HMGCLL1: variants seen among roughly 807,000 people sequenced by gnomAD.
HMGCLL1 encodes 3-hydroxymethyl-3-methylglutaryl-CoA lyase, cytoplasmic.
Under a neutral mutation model 39.1 loss-of-function variants are expected in HMGCLL1, and 36 were observed. The ratio of observed to expected loss-of-function variants is 0.92; its 90% CI spans 0.71 to 1.22. The LOEUF is 1.22. Ranked by LOEUF, HMGCLL1 falls within the 50% of genes most tolerant of loss-of-function variation. The probability of loss-of-function intolerance (pLI) is 0.00; values close to 1 mark genes in which losing one functional copy is unlikely to be tolerated. For synonymous variants in HMGCLL1, 149 were observed against 144.0 expected (o/e 1.03, Z -0.25); for missense variants, 451 against 416.5 (o/e 1.08, Z -0.72).
intron 1 of HMGCLL1, among the ~76,000 whole-genome samples, chr6:55,551,516 A>G (rs1441944138): frequency 6.6e-6 from 1 of 151,932 alleles, no homozygotes; most frequent in Non-Finnish European, 1.5e-5. Flanking sequence ...CTGAAATAGT[A>G]AAAAAAGAAA....
chr6:55,520,246 T>TAATAAATA (rs34163936), intron 3 of HMGCLL1, among the ~76,000 whole-genome samples: 2,550 of 143,914 alleles, frequency 0.018, 38 homozygotes, highest in African/African-American at 0.033. Context: ...TAAAGTATAA[T>TAATAAATA]AATAAATAAA....
At chr6:55,619,623 G>A in the HMGCLL1 span, among the ~76,000 whole-genome samples, 5 of 151,986 alleles carry the variant, frequency 3.3e-5, no homozygotes, top group South Asian at 2.1e-4. Flanking sequence ...TGATACAGGC[G>A]TACTATGTAT....
the HMGCLL1 span, among the ~76,000 whole-genome samples, chr6:55,602,485 A>G: frequency 6.6e-6 from 1 of 152,056 alleles, no homozygotes; most frequent in African/African-American, 2.4e-5. Context: ...ACTAAGTTCT[A>G]TAAGTATGTA....
At chr6:55,469,029 A>G (rs1212670211) in intron 7 of HMGCLL1, among the ~76,000 whole-genome samples, 1 of 151,756 alleles carries the variant, frequency 6.6e-6, no homozygotes. Flanking sequence ...ATCGTGCAGC[A>G]TTTCCTTTCT....
chr6:55,640,304 T>C, the HMGCLL1 span, among the ~76,000 whole-genome samples: 4 of 152,116 alleles, frequency 2.6e-5, no homozygotes, highest in African/African-American at 7.2e-5. Flanking sequence ...GGATAACAAG[T>C]AAATGAATTT....
the HMGCLL1 span, among the ~76,000 whole-genome samples, chr6:55,593,227 G>A: frequency 6.6e-6 from 1 of 152,022 alleles, no homozygotes; most frequent in Non-Finnish European, 1.5e-5. Flanking sequence ...ATGAGTATGA[G>A]ACCCATGAAT....
At chr6:55,654,329 A>G in the HMGCLL1 span, among the ~76,000 whole-genome samples, 1 of 150,578 alleles carries the variant, frequency 6.6e-6, no homozygotes, top group African/African-American at 2.4e-5. Context: ...TATATATTAT[A>G]TAAATATGTA....
At chr6:55,442,842 G>A (rs1478834868) in intron 7 of HMGCLL1, among the ~76,000 whole-genome samples, 5 of 152,134 alleles carry the variant, frequency 3.3e-5, no homozygotes, top group African/African-American at 1.2e-4. Flanking sequence ...TGAAATTTGT[G>A]GCATTGTTCA....
At chr6:55,610,220 T>C in the HMGCLL1 span, among the ~76,000 whole-genome samples, 11 of 151,986 alleles carry the variant, frequency 7.2e-5, no homozygotes, top group Non-Finnish European at 1.2e-4. Flanking sequence ...AGAAGGTGAG[T>C]AATAACAAAC....
chr6:55,656,403 G>A, the HMGCLL1 span, among the ~76,000 whole-genome samples: 1 of 151,932 alleles, frequency 6.6e-6, no homozygotes, highest in Admixed American at 6.6e-5. Context: ...TGATCACACA[G>A]CTAAGCCATA....
chr6:55,492,294 C>T (rs1462541919), intron 7 of HMGCLL1, among the ~76,000 whole-genome samples: 1 of 152,180 alleles, frequency 6.6e-6, no homozygotes, highest in Non-Finnish European at 1.5e-5. Context: ...GATTCTCCTT[C>T]TATTCAAACA....
the HMGCLL1 span, among the ~76,000 whole-genome samples, chr6:55,670,084 T>C: frequency 1.2e-4 from 18 of 151,772 alleles, no homozygotes; most frequent in Admixed American, 2.0e-4. Context: ...AAAGAAAAAT[T>C]CTTGAAAATG....
At chr6:55,513,714 G>T (rs1489778603) in intron 5 of HMGCLL1, 3 of 290,372 alleles carry the variant, frequency 1.0e-5, no homozygotes, top group Non-Finnish European at 1.9e-5. Context: ...AAAAGCTGTT[G>T]TGAGTTTATA....
intron 7 of HMGCLL1, among the ~76,000 whole-genome samples, chr6:55,477,268 A>G (rs1349460415): frequency 1.6e-4 from 3 of 18,414 alleles, no homozygotes; most frequent in African/African-American, 5.9e-4. Flanking sequence ...TATATTATAT[A>G]ATATATATTA....
intron 7 of HMGCLL1, among the ~76,000 whole-genome samples, chr6:55,484,428 T>C (rs1303472495): frequency 6.6e-6 from 1 of 152,074 alleles, no homozygotes; most frequent in Non-Finnish European, 1.5e-5. Context: ...ATGCCGCTTA[T>C]TATATCCTCA....
chr6:55,553,000 G>C (rs1444131322), intron 1 of HMGCLL1, among the ~76,000 whole-genome samples: 1 of 151,578 alleles, frequency 6.6e-6, no homozygotes, highest in Non-Finnish European at 1.5e-5. Context: ...AAAATTAGCT[G>C]GTCACTGTGG....
chr6:55,435,896 T>C (rs1763351570), intron 8 of HMGCLL1, 133 bp from the exon 9 acceptor site: 1 of 465,586 alleles, frequency 2.1e-6, no homozygotes, highest in African/African-American at 2.0e-5. Context: ...TTGGTCATTA[T>C]CAATTTTGGG....
At chr6:55,535,357 C>T (rs1032969872) in intron 3 of HMGCLL1, among the ~76,000 whole-genome samples, 1 of 152,114 alleles carries the variant, frequency 6.6e-6, no homozygotes, top group Non-Finnish European at 1.5e-5. Context: ...AAGACTTCAC[C>T]AATAAATATT....
At chr6:55,488,186 G>T (rs1766139071) in intron 7 of HMGCLL1, among the ~76,000 whole-genome samples, 1 of 152,010 alleles carries the variant, frequency 6.6e-6, no homozygotes, top group Admixed American at 6.6e-5. Flanking sequence ...CATTTCTTGG[G>T]AAATCTGTTA....
Sources: gnomAD v4.1 joint callset for allele counts (sites outside exome capture counted in the v4.1 genomes callset) on GRCh38, gnomAD v4.1.1 for gene constraint, MANE v1.5 for transcripts, NCBI Gene and HGNC (gene_info 2026-07-23, HGNC 2026-07-21) for gene names.